CCT3: variants seen among roughly 807,000 people sequenced by gnomAD.
CCT3 encodes the protein T-complex protein 1 subunit gamma.
A neutral mutation model predicts 65.3 loss-of-function variants in CCT3; 10 were observed. The ratio of observed to expected loss-of-function variants is 0.15; its 90% CI spans 0.09 to 0.26. CCT3 has a LOEUF of 0.26. Ranked by LOEUF, CCT3 falls within the 10% of genes least tolerant of loss-of-function variation. The pLI is 1.00. For synonymous variants in CCT3, 225 were observed against 242.3 expected (o/e 0.93, Z 0.66); for missense variants, 626 against 708.7 (o/e 0.88, Z 1.33).
rs1027225016 is a variant in CCT3 at position 156,312,062 on chromosome 1, C to T, written c.1134G>A (p.Gly378=). ...DPKACTILLR[G]ASKEILSEVE... ...TCACCGAGAGAATCTCTTTGCTAGC[C>T]CCCCGGAGGAGAATGGTGCAGGCCT... The change falls in exon 11 of 14, where the codon GGG becomes GGA. Residue 378 remains glycine, a synonymous_variant. Transcript: ENST00000295688. The T allele has an allele frequency of 3.1e-6, 5 of 1,609,780 alleles. No individual in the cohort carries two copies. Among genetic ancestry groups the T allele is most frequent in the African/African-American group, 2.7e-5 (2 of 74,612 alleles).
chr1:156,333,447 A>C, intron 5 of CCT3, 100 bp downstream of exon 5: 1 of 837,198 alleles, frequency 1.2e-6, no homozygotes, highest in Admixed American at 1.9e-5. Flanking sequence ...AGCTATTTAA[A>C]TATCTGTAAT....
chr1:156,313,980 C>A (rs1436161186), intron 10 of CCT3, among the ~76,000 whole-genome samples: 2 of 150,938 alleles, frequency 1.3e-5, no homozygotes, highest in African/African-American at 4.9e-5. Context: ...CCCAGCTACT[C>A]GGGAGGCTGA....
chr1:156,315,975 A>G (rs1245435115), intron 10 of CCT3, among the ~76,000 whole-genome samples: 1 of 152,078 alleles, frequency 6.6e-6, no homozygotes, highest in Non-Finnish European at 1.5e-5. Context: ...CTCCAGGCGA[A>G]TAATAAAGAC....
intron 8 of CCT3, 102 bp downstream of exon 8, chr1:156,318,766 T>C (rs549069270): frequency 9.1e-7 from 1 of 1,099,174 alleles, no homozygotes; most frequent in African/African-American, 1.6e-5. Flanking sequence ...GTGTACACTA[T>C]GCACCCAGAA....
intron 8 of CCT3, 116 bp from the exon 9 acceptor site, chr1:156,317,663 T>C: frequency 9.8e-7 from 1 of 1,019,664 alleles, no homozygotes; most frequent in Non-Finnish European, 1.4e-6. Flanking sequence ...AGAATTATGT[T>C]AAAGCCATGA....
At chr1:156,319,261 C>T (rs1026672299) in intron 7 of CCT3, among the ~76,000 whole-genome samples, 4 of 150,518 alleles carry the variant, frequency 2.7e-5, no homozygotes, top group South Asian at 4.2e-4. Flanking sequence ...TACAGGCGCC[C>T]GCCACCACAC....
At chr1:156,318,727 A>G in intron 8 of CCT3, 141 bp downstream of exon 8, 3 of 698,972 alleles carry the variant, frequency 4.3e-6, no homozygotes, top group Non-Finnish European at 6.7e-6. Flanking sequence ...ATCAATACCA[A>G]CTATTCTAAA....
chr1:156,332,234 G>C (rs1297078849), intron 5 of CCT3, among the ~76,000 whole-genome samples: 1 of 152,088 alleles, frequency 6.6e-6, no homozygotes, highest in East Asian at 1.9e-4. Flanking sequence ...GGCTGGTCTC[G>C]AACTCCTGAC....
rs542284453 is a variant in CCT3 at position 156,314,405 on chromosome 1, A to T, written c.975-2184T>A. 2.0e-5 allele frequency among the ~76,000 whole-genome samples: 3 copies of T among 152,308 alleles called. No homozygotes were observed. In the East Asian group the frequency reaches 5.8e-4, roughly 29 times the overall value. Reference sequence around the variant, plus strand: ...AGAAACTCAAGAGCTAACAGACATTACATCAGAGGAATTAACACAAGATGA... The same window carrying T: ...AGAAACTCAAGAGCTAACAGACATTTCATCAGAGGAATTAACACAAGATGA... On this transcript the variant is annotated intron_variant, in intron 10 of 13. Transcript: ENST00000295688.
At chr1:156,322,268 G>A (rs1402744159) in intron 6 of CCT3, among the ~76,000 whole-genome samples, 2 of 151,872 alleles carry the variant, frequency 1.3e-5, no homozygotes, top group Non-Finnish European at 2.9e-5. Context: ...AGGCCGAGGT[G>A]GTAGGATCAC....
intron 10 of CCT3, 97 bp downstream of exon 10, chr1:156,317,068 AT>A: frequency 2.8e-6 from 3 of 1,053,906 alleles, no homozygotes; most frequent in Non-Finnish European, 4.4e-6. Context: ...CTGTTACTAT[AT>A]CCTTTATTAA....
At chr1:156,318,617 AC>A (rs758726725) in intron 8 of CCT3, among the ~76,000 whole-genome samples, 1 of 152,154 alleles carries the variant, frequency 6.6e-6, no homozygotes, top group Non-Finnish European at 1.5e-5. Flanking sequence ...CAAGCCAAAC[AC>A]AACCAGGTTC....
Position 156,312,153 on chromosome 1 carries a change from C to A in CCT3, c.1043G>T (p.Gly348Val), listed in dbSNP as rs1664109989. The stretch of plus-strand genomic sequence containing the variant: ...TCCAATTTTCTTGATTTCCAACAGG[C>A]CTGCTCCTGTTCCAACATCATCTTC... ...LREDDVGTGA[G>V]LLEIKKIGDE... Residue 348 changes from glycine to valine, a missense_variant, in exon 11 of 14, where the codon GGC (glycine) becomes GTC (valine). Gly to Val is a moderately radical substitution (Grantham distance 109, BLOSUM62 -3). Transcript: ENST00000295688. 2.5e-6 allele frequency: 4 copies of A among 1,614,110 alleles called. No individual in the cohort carries two copies. Among genetic ancestry groups the A allele is most frequent in the African/African-American group, 1.3e-5 (1 of 75,036 alleles).
At chr1:156,320,425 CAAAA>C (rs1664500870) in intron 7 of CCT3, among the ~76,000 whole-genome samples, 2 of 151,972 alleles carry the variant, frequency 1.3e-5, no homozygotes, top group South Asian at 4.1e-4. Flanking sequence ...AACAAACAAA[CAAAA>C]AACATACCTT....
intron 2 of CCT3, chr1:156,335,530 T>C (rs908124510): frequency 3.6e-5 from 13 of 358,358 alleles, no homozygotes; most frequent in Non-Finnish European, 5.0e-5. Flanking sequence ...AATAAAGTAC[T>C]TATGTTCAAG....
intron 1 of CCT3, 97 bp downstream of exon 1, chr1:156,338,057 G>A (rs1417502173): frequency 2.3e-6 from 3 of 1,329,838 alleles, no homozygotes; most frequent in Non-Finnish European, 3.2e-6. Flanking sequence ...AAGGCTCAGT[G>A]GCCCGGTCAG....
intron 10 of CCT3, among the ~76,000 whole-genome samples, chr1:156,314,916 A>G (rs946902706): frequency 1.3e-5 from 2 of 152,166 alleles, no homozygotes; most frequent in African/African-American, 2.4e-5. Context: ...GGACCCTTCT[A>G]TGATAGAGGC....
intron 5 of CCT3, among the ~76,000 whole-genome samples, chr1:156,330,382 C>T (rs942082696): frequency 6.6e-6 from 1 of 152,182 alleles, no homozygotes; most frequent in African/African-American, 2.4e-5. Flanking sequence ...TACAATAGGG[C>T]CAGGCGCTAT....
intron 6 of CCT3, among the ~76,000 whole-genome samples, chr1:156,322,262 C>T (rs890037803): frequency 1.3e-5 from 2 of 151,956 alleles, no homozygotes; most frequent in African/African-American, 4.8e-5. Flanking sequence ...TTTGGGAGGC[C>T]GAGGTGGTAG....
Sources: gnomAD v4.1 joint callset for allele counts (sites outside exome capture counted in the v4.1 genomes callset) on GRCh38, gnomAD v4.1.1 for gene constraint, MANE v1.5 for transcripts, NCBI Gene and HGNC (gene_info 2026-07-23, HGNC 2026-07-21) for gene names.